PRUNE1: variants seen among roughly 807,000 people sequenced by gnomAD.
PRUNE1 encodes prune exopolyphosphatase 1.
A neutral mutation model predicts 42.5 loss-of-function variants in PRUNE1; 25 were observed. The observed-to-expected ratio is 0.59, with a 90% CI of 0.43 to 0.82. The LOEUF (loss-of-function observed/expected upper bound fraction) is 0.82. Ranked by LOEUF, PRUNE1 falls within the 40% of genes least tolerant of loss-of-function variation. The pLI is 0.00. For missense variants in PRUNE1, 443 were observed against 539.3 expected (o/e 0.82, Z 1.77); for synonymous variants, 203 against 217.1 (o/e 0.93, Z 0.57).
intron 7 of PRUNE1, among the ~76,000 whole-genome samples, chr1:151,032,200 G>A (rs1675280747): frequency 1.3e-5 from 2 of 151,186 alleles, no homozygotes; most frequent in African/African-American, 4.9e-5. Flanking sequence ...AGCTAAGATC[G>A]TGCCACTGTA....
rs766996756 is a variant in PRUNE1 at position 151,028,899 on chromosome 1, G to A, written c.888G>A (p.Val296=). 12 of 1,613,706 alleles carry A rather than the reference G, an allele frequency of 7.4e-6. No homozygotes were observed. Among genetic ancestry groups the A allele is most frequent in the East Asian group, 2.2e-5 (1 of 44,902 alleles). The change falls in exon 7 of 8, where the codon GTG becomes GTA. Residue 296 remains valine (V), a synonymous_variant. Transcript: ENST00000271620. ...TIFFNTHNEP[V]RQLAIFCPHV... is the part of the protein sequence containing the mutation. ...TTTTCAACACTCACAATGAGCCAGTGCGGCAGTTGGCTATTTTCTGTCCCC... is the reference window on the plus strand; with the variant it reads ...TTTTCAACACTCACAATGAGCCAGTACGGCAGTTGGCTATTTTCTGTCCCC...
At chr1:151,024,536 T>TAG in intron 3 of PRUNE1, 75 bp from the exon 4 acceptor site, 1 of 1,359,378 alleles carries the variant, frequency 7.4e-7, no homozygotes, top group Non-Finnish European at 1.0e-6. Flanking sequence ...ATGTGTGGGG[T>TAG]AGAGGTTGGC....
intron 1 of PRUNE1, among the ~76,000 whole-genome samples, chr1:151,013,460 A>T (rs1008637960): frequency 1.3e-4 from 20 of 152,330 alleles, no homozygotes; most frequent in Non-Finnish European, 2.6e-4. Context: ...CTTCAGAACC[A>T]TACCACTGTA....
chr1:151,033,423 C>T (rs1675365129), intron 7 of PRUNE1, among the ~76,000 whole-genome samples: 3 of 125,268 alleles, frequency 2.4e-5, no homozygotes, highest in African/African-American at 9.7e-5. Flanking sequence ...TGCAGTGTTG[C>T]TCTGTCGCCC....
intron 3 of PRUNE1, among the ~76,000 whole-genome samples, chr1:151,020,306 C>G (rs1033535992): frequency 1.3e-5 from 2 of 151,368 alleles, no homozygotes; most frequent in African/African-American, 4.9e-5. Context: ...AAAAAATTTG[C>G]CAGGTGTGGT....
chr1:151,028,689 C>CT (rs1337669373), intron 6 of PRUNE1, 97 bp from the exon 7 acceptor site: 1 of 1,316,698 alleles, frequency 7.6e-7, no homozygotes, highest in Non-Finnish European at 1.1e-6. Context: ...TCCCAAAGTG[C>CT]TAGGATTATA....
intron 1 of PRUNE1, among the ~76,000 whole-genome samples, chr1:151,011,607 A>G (rs1347273401): frequency 6.6e-6 from 1 of 151,976 alleles, no homozygotes; most frequent in African/African-American, 2.4e-5. Flanking sequence ...TCCCCCATTA[A>G]CTATTCTGAA....
At chr1:151,015,675 G>GT (rs1674065902) in intron 1 of PRUNE1, among the ~76,000 whole-genome samples, 2 of 150,972 alleles carry the variant, frequency 1.3e-5, no homozygotes, top group Non-Finnish European at 3.0e-5. Context: ...ATGGTGGCGG[G>GT]TGCCTGTAGT....
rs114058379 is a variant in PRUNE1 at position 151,015,736 on chromosome 1, G to A, written c.40-2076G>A. Among the ~76,000 whole-genome samples, 541 of 152,048 alleles carry A rather than the reference G, an allele frequency of 3.6e-3. 3 individuals are homozygous for A. The highest frequency in any genetic ancestry group is 0.012 in the African/African-American group (515 of 41,488). The stretch of plus-strand genomic sequence containing the variant: ...GGAGGATCACCTGAGTCTGGGAGGT[G>A]GAGTCTGCAGTGAGCCGTGATTGCG... On this transcript the variant is annotated intron_variant, in intron 1 of 7. Coordinates refer to ENST00000271620, the MANE Select transcript of PRUNE1 (RefSeq NM_021222.3).
At chr1:151,011,783 A>ATT (rs11342247) in intron 1 of PRUNE1, among the ~76,000 whole-genome samples, 1 of 145,248 alleles carries the variant, frequency 6.9e-6, no homozygotes. Context: ...TAATTAATTA[A>ATT]TTTTTTTTTT....
chr1:151,015,083 T>C (rs1468679223), intron 1 of PRUNE1, among the ~76,000 whole-genome samples: 2 of 152,068 alleles, frequency 1.3e-5, no homozygotes, highest in African/African-American at 2.4e-5. Context: ...ATCCCAACAC[T>C]TGGGGAAGCT....
chr1:151,024,823 C>G lies in PRUNE1; in HGVS notation c.520+28C>G, dbSNP rs775225983. 3.2e-6 allele frequency: 5 copies of G among 1,584,530 alleles called. No individual in the cohort carries two copies. The South Asian group carries it at 5.7e-5, about 18-fold the overall frequency. The stretch of plus-strand genomic sequence containing the variant: ...AAGGGTGGCTTTTGGATTGGGACCT[C>G]AGTAGTTCTATTCCTGTCCCTGAGA... On this transcript the variant is annotated intron_variant, in intron 4 of 7. Coordinates refer to ENST00000271620, the MANE Select transcript of PRUNE1 (RefSeq NM_021222.3).
chr1:151,028,964 C>G lies in PRUNE1; in HGVS notation c.933+20C>G. 1 of 1,601,178 alleles carries G rather than the reference C, an allele frequency of 6.2e-7. No individual in the cohort carries two copies. Reference sequence around the variant, plus strand: ...ACAACGGTGAGTCTGTGTCCCTTCTCCAACCTAAGAGCCTTACAGAGTCTG... The same window carrying G: ...ACAACGGTGAGTCTGTGTCCCTTCTGCAACCTAAGAGCCTTACAGAGTCTG... On this transcript the variant is annotated intron_variant, in intron 7 of 7. Transcript: ENST00000271620.
chr1:151,021,345 C>T (rs1010434260), intron 3 of PRUNE1, among the ~76,000 whole-genome samples: 2 of 152,048 alleles, frequency 1.3e-5, no homozygotes, highest in African/African-American at 4.8e-5. Context: ...ATCCCAGCTA[C>T]TCAGGAGGCT....
In PRUNE1 at chr1:151,031,196, T is replaced by G. The variant is rs867791800; in HGVS notation, c.933+2252T>G. ...GTTTTTGTGTGTGTGTGTGTGTGTT[T>G]TTTTTTTTTTTTGAGATGTCTCACT... On this transcript the variant is annotated intron_variant, in intron 7 of 7. Transcript: ENST00000271620. 3.6e-3 allele frequency among the ~76,000 whole-genome samples: 536 copies of G among 149,832 alleles called. 3 individuals carry two copies. Among genetic ancestry groups the G allele is most frequent in the African/African-American group, 0.012 (473 of 40,668 alleles).
In PRUNE1 at chr1:151,021,111, C is replaced by T. The variant is rs189931880; in HGVS notation, c.335+2442C>T. 3.4e-3 allele frequency among the ~76,000 whole-genome samples: 488 copies of T among 145,588 alleles called. 3 individuals carry two copies. The highest frequency in any genetic ancestry group is 7.4e-3 in the South Asian group (34 of 4,618). On this transcript the variant is annotated intron_variant, in intron 3 of 7. Coordinates refer to ENST00000271620, the MANE Select transcript of PRUNE1 (RefSeq NM_021222.3). ...GCAGTGAGCCAAGATCGCGCCACTG[C>T]GCTCCAGTCTGAGCGACAGAGTGAT...
At chr1:151,008,701 A>G in intron 1 of PRUNE1, 30 bp downstream of exon 1, 1 of 1,612,966 alleles carries the variant, frequency 6.2e-7, no homozygotes, top group South Asian at 1.1e-5. Context: ...GACTGTAAGG[A>G]ATGGAGCACG....
chr1:151,022,524 T>A (rs1472992870), intron 3 of PRUNE1, among the ~76,000 whole-genome samples: 1 of 151,762 alleles, frequency 6.6e-6, no homozygotes, highest in Non-Finnish European at 1.5e-5. Flanking sequence ...GTTCACGCCA[T>A]TCTCCTGCCT....
intron 1 of PRUNE1, among the ~76,000 whole-genome samples, chr1:151,016,749 G>A (rs1441306298): frequency 1.3e-5 from 2 of 151,574 alleles, no homozygotes; most frequent in East Asian, 2.0e-4. Flanking sequence ...TGATCCGCCC[G>A]CCTCAGCCTC....
Sources: allele counts gnomAD v4.1 joint callset (sites outside exome capture counted in the v4.1 genomes callset), GRCh38; gene constraint gnomAD v4.1.1; transcripts MANE v1.5; gene names NCBI Gene and HGNC (gene_info 2026-07-23, HGNC 2026-07-21).